The following TMCC1 variants were observed in gnomAD, a reference collection of about 807,000 sequenced individuals.
TMCC1 encodes transmembrane and coiled-coil domain family 1.
TMCC1 carries 15 observed loss-of-function variants against 52.4 expected under a neutral mutation model. The observed-to-expected ratio is 0.29, with a 90% CI of 0.19 to 0.44. TMCC1 has a LOEUF of 0.44. Among genes scored for constraint, TMCC1 ranks in the 20% least tolerant of loss-of-function variants. The probability of loss-of-function intolerance (pLI) is 1.00; values close to 1 mark genes in which losing one functional copy is unlikely to be tolerated. For missense variants in TMCC1, 503 were observed against 806.0 expected, an observed-to-expected ratio of 0.62 and a Z score of 4.55; for synonymous variants, 279 against 301.9, an observed-to-expected ratio of 0.92 and a Z score of 0.79.
Position 129,776,761 on chromosome 3 carries a change from G to A in TMCC1, c.576+51042C>T, listed in dbSNP as rs1354975925. On this transcript the variant is annotated intron_variant, in intron 4 of 6. Transcript: ENST00000393238. ...TACTGCCTCAGTCTCCCAAGTAGCT[G>A]GGACTACAGGTGTAGTAGTCACCAT... Among the ~76,000 whole-genome samples, 10 of 152,230 alleles carry A rather than the reference G, an allele frequency of 6.6e-5. No individual in the cohort carries two copies. The South Asian group carries it at 2.1e-3, about 32-fold the overall frequency.
At chr3:129,714,108 C>T (rs181717701) in intron 4 of TMCC1, among the ~76,000 whole-genome samples, 3 of 152,290 alleles carry the variant, frequency 2.0e-5, no homozygotes, top group East Asian at 3.9e-4. Flanking sequence ...AAGAAAGCGA[C>T]ATCACCTTTG....
chr3:129,814,225 G>C (rs768585416), intron 4 of TMCC1, among the ~76,000 whole-genome samples: 2 of 151,996 alleles, frequency 1.3e-5, no homozygotes, highest in Non-Finnish European at 2.9e-5. Flanking sequence ...TCACTCACAG[G>C]CTAATTTTCC....
intron 2 of TMCC1, among the ~76,000 whole-genome samples, chr3:129,875,515 A>AAC (rs2107977372): frequency 6.7e-6 from 1 of 150,270 alleles, no homozygotes; most frequent in African/African-American, 2.4e-5. Flanking sequence ...AAAAAAAAAA[A>AAC]ACAACACAAA....
intron 4 of TMCC1, among the ~76,000 whole-genome samples, chr3:129,725,671 A>T (rs1205700261): frequency 1.3e-5 from 2 of 150,932 alleles, no homozygotes; most frequent in Non-Finnish European, 3.0e-5. Context: ...AGAGTAATCT[A>T]CTTTGAACAT....
intron 4 of TMCC1, among the ~76,000 whole-genome samples, chr3:129,758,059 T>C (rs1476701881): frequency 6.6e-6 from 1 of 151,962 alleles, no homozygotes; most frequent in Non-Finnish European, 1.5e-5. Flanking sequence ...CATTGGAAAA[T>C]AGTGTTTTGG....
chr3:129,672,049 A>G (rs1188924139), intron 4 of TMCC1, among the ~76,000 whole-genome samples: 1 of 152,224 alleles, frequency 6.6e-6, no homozygotes, highest in Non-Finnish European at 1.5e-5. Context: ...TATCCAGTAA[A>G]AGGTTTTTGT....
At chr3:129,675,676 A>G (rs996973018) in intron 4 of TMCC1, among the ~76,000 whole-genome samples, 1 of 152,246 alleles carries the variant, frequency 6.6e-6, no homozygotes, top group Non-Finnish European at 1.5e-5. Flanking sequence ...AAAGTAATAT[A>G]GTCACCTATG....
intron 3 of TMCC1, among the ~76,000 whole-genome samples, chr3:129,832,013 G>A (rs907093617): frequency 6.6e-6 from 1 of 151,878 alleles, no homozygotes; most frequent in African/African-American, 2.4e-5. Context: ...CACCACCACA[G>A]CTGGCTAATT....
chr3:129,713,711 CAAAAAA>C (rs113963331), intron 4 of TMCC1, among the ~76,000 whole-genome samples: 1 of 60,170 alleles, frequency 1.7e-5, no homozygotes, highest in African/African-American at 5.5e-5. Flanking sequence ...ACCCCCATCT[CAAAAAA>C]AAAAAAAAGA....
At chr3:129,808,511 A>T (rs565699301) in intron 4 of TMCC1, among the ~76,000 whole-genome samples, 78 of 151,138 alleles carry the variant, frequency 5.2e-4, no homozygotes, top group African/African-American at 1.4e-3. Context: ...AATAAAATTT[A>T]AAAAAAAGAA....
chr3:129,681,172 A>G (rs2088944869), intron 4 of TMCC1, among the ~76,000 whole-genome samples: 2 of 152,314 alleles, frequency 1.3e-5, no homozygotes, highest in African/African-American at 4.8e-5. Context: ...GGATTCAGAA[A>G]AAAGAAATAC....
chr3:129,832,972 T>C (rs1042897728), intron 2 of TMCC1, 146 bp from the exon 3 acceptor site: 2 of 152,214 alleles, frequency 1.3e-5, no homozygotes, highest in African/African-American at 2.4e-5. Flanking sequence ...GGTTTGTTTT[T>C]TTCTAGTACT....
chr3:129,822,000 C>A (rs1183223599), intron 4 of TMCC1, among the ~76,000 whole-genome samples: 2 of 152,094 alleles, frequency 1.3e-5, no homozygotes, highest in African/African-American at 2.4e-5. Context: ...GAAGTCGAGG[C>A]TGCAGTTAGC....
intron 1 of TMCC1, among the ~76,000 whole-genome samples, chr3:129,885,915 G>A (rs899674107): frequency 1.2e-4 from 18 of 151,844 alleles, no homozygotes; most frequent in Non-Finnish European, 1.6e-4. Flanking sequence ...GCTAATTTTT[G>A]TATTTTTAGT....
intron 4 of TMCC1, among the ~76,000 whole-genome samples, chr3:129,695,911 A>C (rs771543299): frequency 6.6e-6 from 1 of 152,172 alleles, no homozygotes; most frequent in Non-Finnish European, 1.5e-5. Flanking sequence ...ATTTAACCCT[A>C]TGTATCATGA....
intron 1 of TMCC1, among the ~76,000 whole-genome samples, chr3:129,887,492 A>G (rs1174889133): frequency 6.6e-6 from 1 of 151,384 alleles, no homozygotes; most frequent in South Asian, 2.1e-4. Context: ...CAGTGAGCCA[A>G]GATCGCGCCA....
intron 4 of TMCC1, among the ~76,000 whole-genome samples, chr3:129,674,671 T>C (rs2088248165): frequency 6.6e-6 from 1 of 152,350 alleles, no homozygotes; most frequent in South Asian, 2.1e-4. Flanking sequence ...ACAGTCGTGA[T>C]ATACTCTGAG....
chr3:129,815,701 T>A (rs1229086039), intron 4 of TMCC1, among the ~76,000 whole-genome samples: 1 of 152,072 alleles, frequency 6.6e-6, no homozygotes, highest in East Asian at 1.9e-4. Context: ...GGATTTTCAG[T>A]GTAAGACCTC....
At chr3:129,654,889 C>T (rs1349473104) in intron 6 of TMCC1, 79 bp downstream of exon 6, 1 of 1,555,488 alleles carries the variant, frequency 6.4e-7, no homozygotes. Context: ...ACCTTCTCAT[C>T]TTTTTTCCTT....
Sources: allele counts gnomAD v4.1 joint callset (sites outside exome capture counted in the v4.1 genomes callset), GRCh38; gene constraint gnomAD v4.1.1; transcripts MANE v1.5; gene names NCBI Gene and HGNC (gene_info 2026-07-23, HGNC 2026-07-21).